The following TAF4B variants were observed in gnomAD, a reference collection of about 807,000 sequenced individuals.
The protein encoded by TAF4B is transcription initiation factor TFIID subunit 4B.
Under a neutral mutation model 86.4 loss-of-function variants are expected in TAF4B, and 38 were observed. That is an observed-to-expected ratio of 0.44 (90% confidence interval 0.34 to 0.58). The LOEUF (loss-of-function observed/expected upper bound fraction) is 0.58, where lower values mean the gene tolerates loss of function less well. TAF4B is among the 20% of genes least tolerant of loss of function. The pLI is 0.02. For missense variants in TAF4B, 988 were observed against 1,027.6 expected (o/e 0.96, Z 0.53); for synonymous variants, 388 against 391.2 (o/e 0.99, Z 0.10).
At chr18:26,370,604 T>C (rs931475665) in intron 14 of TAF4B, among the ~76,000 whole-genome samples, 2 of 152,170 alleles carry the variant, frequency 1.3e-5, no homozygotes, top group Non-Finnish European at 2.9e-5. Context: ...ATACCTATAA[T>C]CAGCCTCAGG....
intron 14 of TAF4B, among the ~76,000 whole-genome samples, chr18:26,364,574 T>G (rs1175553276): frequency 1.3e-5 from 2 of 152,150 alleles, no homozygotes; most frequent in Non-Finnish European, 2.9e-5. Flanking sequence ...TTAGAAAGAT[T>G]CTCTTTTCCC....
chr18:26,370,895 G>T (rs1326565757), intron 14 of TAF4B, among the ~76,000 whole-genome samples: 1 of 152,134 alleles, frequency 6.6e-6, no homozygotes, highest in Non-Finnish European at 1.5e-5. Flanking sequence ...ATAGATGATA[G>T]AACTTTATTT....
At chr18:26,254,766 G>A (rs1374536167) in intron 1 of TAF4B, among the ~76,000 whole-genome samples, 1 of 152,194 alleles carries the variant, frequency 6.6e-6, no homozygotes, top group Admixed American at 6.5e-5. Flanking sequence ...TGCTTTAGAA[G>A]TTTTATATAA....
intron 7 of TAF4B, 41 bp downstream of exon 7, chr18:26,286,540 A>G: frequency 6.5e-7 from 1 of 1,549,024 alleles, no homozygotes; most frequent in South Asian, 1.3e-5. Flanking sequence ...CTTATTTTGA[A>G]AATTTTGAAC....
chr18:26,348,378 A>C (rs1439969753), intron 13 of TAF4B: 1 of 152,526 alleles, frequency 6.6e-6, no homozygotes, highest in Non-Finnish European at 1.5e-5. Flanking sequence ...GAGAAACCTT[A>C]TGAATAGAAT....
At chr18:26,263,130 T>G (rs72880118) in intron 1 of TAF4B, among the ~76,000 whole-genome samples, 6,615 of 152,186 alleles carry the variant, frequency 0.043, 198 homozygotes, top group Non-Finnish European at 0.061. Context: ...TAAAAAATTG[T>G]TTTTGTAGAG....
At chr18:26,284,904 T>C (rs2056491713) in intron 6 of TAF4B, among the ~76,000 whole-genome samples, 1 of 152,172 alleles carries the variant, frequency 6.6e-6, no homozygotes, top group Non-Finnish European at 1.5e-5. Flanking sequence ...CTCAATTCTT[T>C]CAGATCGTAA....
intron 1 of TAF4B, among the ~76,000 whole-genome samples, chr18:26,261,263 G>A (rs1264335319): frequency 6.9e-6 from 1 of 144,046 alleles, no homozygotes; most frequent in African/African-American, 2.5e-5. Flanking sequence ...CTCACTGCCG[G>A]GATCTCGGCT....
chr18:26,329,167 C>G (rs2057031966), intron 12 of TAF4B, among the ~76,000 whole-genome samples: 1 of 152,126 alleles, frequency 6.6e-6, no homozygotes, highest in African/African-American at 2.4e-5. Context: ...AAGCAATCCT[C>G]CCACCTCAGC....
chr18:26,305,852 G>C lies in TAF4B; in HGVS notation c.1833-9377G>C, dbSNP rs550409989. 6.6e-5 allele frequency among the ~76,000 whole-genome samples: 10 copies of C among 152,272 alleles called. No individual in the cohort carries two copies. In the South Asian group the frequency reaches 2.1e-3, roughly 32 times the overall value. ...TTTAGAATCAGCATGGCAGTTCCAT[G>C]AAGTTTGTATAGAATTGTGTGATTA... On this transcript the variant is annotated intron_variant, in intron 9 of 14. Transcript: ENST00000269142.
At chr18:26,323,699 T>A (rs1249156341) in intron 11 of TAF4B, among the ~76,000 whole-genome samples, 1 of 152,174 alleles carries the variant, frequency 6.6e-6, no homozygotes. Flanking sequence ...ATAATGTCCT[T>A]GTTTGTCTCT....
chr18:26,343,349 A>G (rs2057150698), intron 13 of TAF4B, among the ~76,000 whole-genome samples: 1 of 152,150 alleles, frequency 6.6e-6, no homozygotes, highest in Non-Finnish European at 1.5e-5. Context: ...CTACTCCTGA[A>G]CTATACATTT....
At chr18:26,279,682 T>G (rs1166263108) in intron 5 of TAF4B, among the ~76,000 whole-genome samples, 1 of 151,950 alleles carries the variant, frequency 6.6e-6, no homozygotes, top group Non-Finnish European at 1.5e-5. Flanking sequence ...TTGAACAGAA[T>G]AGAGAACCCA....
intron 2 of TAF4B, chr18:26,267,002 A>G (rs890597059): frequency 6.6e-6 from 1 of 152,202 alleles, no homozygotes; most frequent in Non-Finnish European, 1.5e-5. Context: ...ATTGTTTTTT[A>G]TAATAATCAT....
At chr18:26,313,100 TG>T (rs1440196086) in intron 9 of TAF4B, among the ~76,000 whole-genome samples, 1 of 152,196 alleles carries the variant, frequency 6.6e-6, no homozygotes, top group East Asian at 1.9e-4. Context: ...GCAGTCTCTT[TG>T]TTCCATGTCA....
chr18:26,368,641 T>G (rs2057386653), intron 14 of TAF4B, among the ~76,000 whole-genome samples: 1 of 152,202 alleles, frequency 6.6e-6, no homozygotes, highest in Non-Finnish European at 1.5e-5. Flanking sequence ...ACTCTTTTTA[T>G]AAATGTATAG....
Position 26,316,845 on chromosome 18 carries a change from A to G in TAF4B, c.2002+1447A>G, listed in dbSNP as rs944483759. On this transcript the variant is annotated intron_variant, in intron 10 of 14. Coordinates refer to ENST00000269142, the MANE Select transcript of TAF4B (RefSeq NM_005640.3). ...TTGCTTCTTCCATTTTCTTTTTTGC[A>G]TATGTATTTTGTATTATACAGAAAC... 4.0e-5 allele frequency among the ~76,000 whole-genome samples: 6 copies of G among 151,744 alleles called. No individual in the cohort carries two copies. In the East Asian group the frequency reaches 7.7e-4, roughly 20 times the overall value.
intron 3 of TAF4B, among the ~76,000 whole-genome samples, chr18:26,274,351 C>CA (rs1333569649): frequency 6.6e-6 from 1 of 152,038 alleles, no homozygotes; most frequent in Admixed American, 6.6e-5. Context: ...CTGTTTTTCA[C>CA]AAAAAATCCT....
intron 9 of TAF4B, among the ~76,000 whole-genome samples, chr18:26,309,007 CAG>C (rs1324406415): frequency 6.6e-6 from 1 of 151,732 alleles, no homozygotes; most frequent in African/African-American, 2.4e-5. Flanking sequence ...TCAGCAGTCT[CAG>C]AGTTACCCAG....
Sources: allele counts gnomAD v4.1 joint callset (sites outside exome capture counted in the v4.1 genomes callset), GRCh38; gene constraint gnomAD v4.1.1; transcripts MANE v1.5; gene names NCBI Gene and HGNC (gene_info 2026-07-23, HGNC 2026-07-21).